CBFA2T3: variants seen among roughly 807,000 people sequenced by gnomAD.
The protein encoded by CBFA2T3 is transcriptional corepressor CBFA2T3.
In CBFA2T3, 31 loss-of-function variants were observed where a neutral mutation model predicts 58.6. That is an observed-to-expected ratio of 0.53 (90% CI 0.40 to 0.71). CBFA2T3 has a LOEUF of 0.71. Among genes scored for constraint, CBFA2T3 ranks in the 30% least tolerant of loss-of-function variants. CBFA2T3 has a pLI of 0.00. For synonymous variants in CBFA2T3, 531 were observed against 421.9 expected, an observed-to-expected ratio of 1.26 and a Z score of -3.17; for missense variants, 1,076 against 963.1, an observed-to-expected ratio of 1.12 and a Z score of -1.55.
At chr16:88,964,105 C>T (rs894853779) in intron 1 of CBFA2T3, among the ~76,000 whole-genome samples, 1 of 152,210 alleles carries the variant, frequency 6.6e-6, no homozygotes, top group Non-Finnish European at 1.5e-5. Context: ...ATACCTGGGC[C>T]GATCGGCTTA....
intron 1 of CBFA2T3, among the ~76,000 whole-genome samples, chr16:88,972,077 C>T (rs1413018077): frequency 6.6e-6 from 1 of 152,236 alleles, no homozygotes; most frequent in Non-Finnish European, 1.5e-5. Context: ...TTCCTAGGTG[C>T]TGATTCAAGG....
intron 1 of CBFA2T3, among the ~76,000 whole-genome samples, chr16:88,944,535 C>T (rs1971854198): frequency 6.6e-6 from 1 of 152,116 alleles, no homozygotes; most frequent in South Asian, 2.1e-4. Flanking sequence ...CTGGGTGTGC[C>T]TCTGAGGCCC....
In CBFA2T3 at chr16:88,891,865, G is replaced by A. The variant is rs1969644632; in HGVS notation, c.711+17C>T. 1.3e-6 allele frequency: 2 copies of A among 1,583,476 alleles called. No homozygotes were observed. Among genetic ancestry groups the A allele is most frequent in the African/African-American group, 1.4e-5 (1 of 73,868 alleles). ...CTAGGGAGGCTCCCGCAGCACGGGG[G>A]ACGGGTTTCGCATTACCTTCAGGAA... On this transcript the variant is annotated intron_variant, in intron 5 of 11. Coordinates refer to ENST00000268679, the MANE Select transcript of CBFA2T3 (RefSeq NM_005187.6).
chr16:88,940,588 C>T (rs1037839830), intron 1 of CBFA2T3, among the ~76,000 whole-genome samples: 3 of 152,190 alleles, frequency 2.0e-5, no homozygotes, highest in Admixed American at 1.3e-4. Flanking sequence ...GGGGCAGCGC[C>T]GGGGACCCGG....
chr16:88,949,254 C>A (rs555915158), intron 1 of CBFA2T3, among the ~76,000 whole-genome samples: 1 of 152,308 alleles, frequency 6.6e-6, no homozygotes, highest in South Asian at 2.1e-4. Flanking sequence ...AGACAGGGGA[C>A]CCCGATAAGA....
At position 88,901,560 on chromosome 16, in the gene CBFA2T3, G is replaced by T; in HGVS notation, c.248C>A (p.Pro83Gln). Residue 83 changes from proline to glutamine, a missense_variant, in exon 2 of 12, where the codon CCA (proline) becomes CAA (glutamine). By Grantham distance (76) the Pro-to-Gln change is moderately conservative. Coordinates refer to ENST00000268679, the MANE Select transcript of CBFA2T3 (RefSeq NM_005187.6). Reference protein sequence around the residue: ...PRSTPPSMPPPPPAASQGATR... With the variant: ...PRSTPPSMPPQPPAASQGATR... ...GGCCCCCTGGGATGCGGCAGGCGGTGGGGGCGGCATGCTGGGGGGTGTGGA... is the reference window on the plus strand; with the variant it reads ...GGCCCCCTGGGATGCGGCAGGCGGTTGGGGCGGCATGCTGGGGGGTGTGGA... 1.4e-6 allele frequency: 2 copies of T among 1,480,752 alleles called. No homozygotes were observed. The highest frequency in any genetic ancestry group is 8.9e-7 in the Non-Finnish European group (1 of 1,119,528). 91.7% of individuals were successfully genotyped at this position (1,480,752 alleles called of 1,614,324 possible). A position where few individuals can be genotyped will look rare whatever the true frequency, so the allele number is the denominator to read the frequency against.
At chr16:88,921,205 C>T (rs866797331) in intron 1 of CBFA2T3, among the ~76,000 whole-genome samples, 2 of 152,236 alleles carry the variant, frequency 1.3e-5, no homozygotes, top group South Asian at 4.1e-4. Flanking sequence ...CCTGCCTCTG[C>T]CATTGTTGAT....
At chr16:88,959,269 C>T (rs1429790415) in intron 1 of CBFA2T3, among the ~76,000 whole-genome samples, 2 of 152,196 alleles carry the variant, frequency 1.3e-5, no homozygotes, top group East Asian at 1.9e-4. Flanking sequence ...CTGCTGTGGC[C>T]GCGGACGGGT....
chr16:88,891,499 G>T (rs1469130506), intron 5 of CBFA2T3, among the ~76,000 whole-genome samples: 2 of 152,166 alleles, frequency 1.3e-5, no homozygotes, highest in Non-Finnish European at 2.9e-5. Context: ...CCCTATCCCC[G>T]AGCCTTGCCC....
intron 1 of CBFA2T3, chr16:88,938,101 T>C (rs1469191224): frequency 6.6e-6 from 1 of 152,264 alleles, no homozygotes; most frequent in Non-Finnish European, 1.5e-5. Flanking sequence ...AGGCTGGCCT[T>C]GGGGCTCCAT....
intron 1 of CBFA2T3, among the ~76,000 whole-genome samples, chr16:88,930,544 G>A (rs1008405393): frequency 2.0e-5 from 3 of 151,794 alleles, no homozygotes; most frequent in Admixed American, 6.6e-5. Flanking sequence ...GCTCCAGTGC[G>A]GGGAGCCACG....
At chr16:88,917,091 A>C (rs904983472) in intron 1 of CBFA2T3, among the ~76,000 whole-genome samples, 1 of 151,944 alleles carries the variant, frequency 6.6e-6, no homozygotes, top group Non-Finnish European at 1.5e-5. Context: ...AAAAAGGAAA[A>C]AAAGAAAAAA....
At chr16:88,946,122 A>G (rs1334911308) in intron 1 of CBFA2T3, among the ~76,000 whole-genome samples, 2 of 152,184 alleles carry the variant, frequency 1.3e-5, no homozygotes, top group African/African-American at 2.4e-5. Flanking sequence ...AGCCTGGCCA[A>G]CATGGCAAAA....
chr16:88,961,912 G>T (rs1972369885), intron 1 of CBFA2T3, among the ~76,000 whole-genome samples: 1 of 146,770 alleles, frequency 6.8e-6, no homozygotes, highest in Admixed American at 6.7e-5. Context: ...CCGACCCTCA[G>T]TGCTGGGCAT....
chr16:88,937,646 G>C (rs146701174), intron 1 of CBFA2T3: 1,535 of 152,448 alleles, frequency 0.01, 18 homozygotes, highest in Middle Eastern at 0.02. Flanking sequence ...TCCCGGTCTG[G>C]AAAGTGGGGC....
intron 1 of CBFA2T3, among the ~76,000 whole-genome samples, chr16:88,912,100 G>A (rs1184288548): frequency 6.6e-5 from 10 of 152,244 alleles, no homozygotes; most frequent in Admixed American, 5.2e-4. Context: ...AGGGCTTCCC[G>A]TTGGAAGGTG....
chr16:88,884,446 T>C (rs979569937), intron 7 of CBFA2T3, among the ~76,000 whole-genome samples: 5 of 152,206 alleles, frequency 3.3e-5, no homozygotes, highest in Admixed American at 6.5e-5. Flanking sequence ...GGGTGCATTA[T>C]GTGTGCTCTC....
chr16:88,913,009 C>T (rs374929070), intron 1 of CBFA2T3, among the ~76,000 whole-genome samples: 2 of 152,384 alleles, frequency 1.3e-5, no homozygotes, highest in African/African-American at 4.8e-5. Flanking sequence ...TGCTAATGGC[C>T]TCGATTTCCC....
chr16:88,973,059 G>A (rs1972695353), intron 1 of CBFA2T3, among the ~76,000 whole-genome samples: 1 of 152,226 alleles, frequency 6.6e-6, no homozygotes, highest in Admixed American at 6.5e-5. Flanking sequence ...AAGCCCAGCA[G>A]ACACAGGGCC....
Sources: gnomAD v4.1 joint callset for allele counts (sites outside exome capture counted in the v4.1 genomes callset) on GRCh38, gnomAD v4.1.1 for gene constraint, MANE v1.5 for transcripts, NCBI Gene and HGNC (gene_info 2026-07-23, HGNC 2026-07-21) for gene names.